The following CYP2E1 variants were observed in gnomAD, a reference collection of about 807,000 sequenced individuals.
The protein encoded by CYP2E1 is cytochrome P450 2E1.
CYP2E1 carries 31 observed loss-of-function variants against 42.9 expected under a neutral mutation model. The ratio of observed to expected loss-of-function variants is 0.72; its 90% CI spans 0.54 to 0.98. The LOEUF is 0.98. Among genes scored for constraint, CYP2E1 ranks in the 50% least tolerant of loss-of-function variants. CYP2E1 has a pLI of 0.00. For missense variants in CYP2E1, 565 were observed against 633.2 expected, an observed-to-expected ratio of 0.89 and a Z score of 1.16; for synonymous variants, 244 against 248.9, an observed-to-expected ratio of 0.98 and a Z score of 0.19.
Position 133,532,736 on chromosome 10 carries a change from C to T in CYP2E1, c.693C>T (p.Ser231=). 6.2e-7 allele frequency: 1 copy of T among 1,611,896 alleles called. No individual in the cohort carries two copies. Among genetic ancestry groups the T allele is most frequent in the Non-Finnish European group, 8.5e-7 (1 of 1,179,360 alleles). Residue 231 remains serine (S), a synonymous_variant, in exon 5 of 9, where the codon AGC becomes AGT. Transcript: ENST00000252945. ...FPSFLHYLPG[S]HRKVIKNVAE... Reference sequence around the variant, plus strand: ...GCTTTCTACACTACTTGCCTGGAAGCCACAGAAAAGTCATAAAAAATGTGG... The same window carrying T: ...GCTTTCTACACTACTTGCCTGGAAGTCACAGAAAAGTCATAAAAAATGTGG...
chr10:133,536,861 C>T (rs12762259), intron 6 of CYP2E1, among the ~76,000 whole-genome samples: 89,745 of 108,782 alleles, frequency 0.82, 36,947 homozygotes, highest in Non-Finnish European at 0.9. Context: ...GGCTGGCTGG[C>T]TGGGTGGGTG....
At position 133,537,268 on chromosome 10, in the gene CYP2E1, C is replaced by T. The variant is rs1454654329; in HGVS notation, c.1155+18C>T. The T allele has an allele frequency of 1.1e-5, 18 of 1,609,834 alleles. No homozygotes were observed. Among genetic ancestry groups the T allele is most frequent in the African/African-American group, 2.7e-5 (2 of 74,874 alleles). On this transcript the variant is annotated intron_variant, in intron 7 of 8. Transcript: ENST00000252945. ...TCCCCAAGGTTAAGCAATGAGCCTG[C>T]AGCACACAGCATGAACACCATCCTA...
At chr10:133,532,435 C>G (rs1851350160) in intron 4 of CYP2E1, 151 bp downstream of exon 4, 2 of 839,968 alleles carry the variant, frequency 2.4e-6, no homozygotes, top group Middle Eastern at 2.7e-4. Context: ...AAATATTCCT[C>G]CCAGAGACAT....
At chr10:133,532,013 A>T in intron 3 of CYP2E1, 111 bp from the exon 4 acceptor site, 1 of 1,019,052 alleles carries the variant, frequency 9.8e-7, no homozygotes. Flanking sequence ...GTAAACTGGC[A>T]GTTTTCAGGG....
At position 133,532,817 on chromosome 10, in the gene CYP2E1, C is replaced by A; in HGVS notation, c.774C>A (p.Asp258Glu). The A allele has an allele frequency of 6.2e-7, 1 of 1,613,100 alleles. No individual in the cohort carries two copies. Among genetic ancestry groups the A allele is most frequent in the East Asian group, 2.2e-5 (1 of 44,812 alleles). Residue 258 changes from aspartate to glutamate, a missense_variant, in exon 5 of 9, where the codon GAC becomes GAA. Transcript: ENST00000252945. ...TGAAGGAGCACCATCAATCTCTGGA[C>A]CCCAACTGTCCCCGGGACCTCACCG... is the stretch of plus-strand genomic sequence containing the variant. ...ERVKEHHQSLDPNCPRDLTDC... is the reference protein window; with the variant it reads ...ERVKEHHQSLEPNCPRDLTDC...
At position 133,533,463 on chromosome 10, in the gene CYP2E1, G is replaced by A. The variant is rs1851362616; in HGVS notation, c.826-293G>A. On this transcript the variant is annotated intron_variant, in intron 5 of 8. Coordinates refer to ENST00000252945, the MANE Select transcript of CYP2E1 (RefSeq NM_000773.4). The stretch of plus-strand genomic sequence containing the variant: ...AGGAGGGGTTAGCAGGAGCCGTTTA[G>A]CTCCTGCCTGAGCTATGACCAAGGT... 3.3e-5 allele frequency among the ~76,000 whole-genome samples: 5 copies of A among 152,186 alleles called. No homozygotes were observed. The South Asian group carries it at 1.0e-3, about 32-fold the overall frequency.
chr10:133,538,700 G>A lies in CYP2E1; in HGVS notation c.1298-80G>A, dbSNP rs1040239534. On this transcript the variant is annotated intron_variant, in intron 8 of 8. Transcript: ENST00000252945. ...GTTTGCCCACAGCCTCCTCCTCCCC[G>A]CTTCCCCTAGTCTCACTGTTAACAG... is the stretch of plus-strand genomic sequence containing the variant. The A allele has an allele frequency of 6.2e-5, 81 of 1,298,638 alleles. 1 individual carries two copies. The African/African-American group carries it at 8.1e-4, about 13-fold the overall frequency. The allele number at this position is 1,298,638 out of a possible 1,614,324, so 80.4% of individuals were successfully genotyped here.
Position 133,537,433 on chromosome 10 carries a change from G to A in CYP2E1, c.1155+183G>A. 4 of 646,556 alleles carry A rather than the reference G, an allele frequency of 6.2e-6. 1 individual carries two copies. In the South Asian group the frequency reaches 8.2e-5, roughly 13 times the overall value. The allele number at this position is 646,556 out of a possible 1,614,324, so 40.1% of individuals were successfully genotyped here. On this transcript the variant is annotated intron_variant, in intron 7 of 8. Transcript: ENST00000252945. The stretch of plus-strand genomic sequence containing the variant: ...CTCCAGGAGTGCTCACATTGGCCTG[G>A]TGACCAGAGAGGTGGAGGAAATCTG...
rs1851346822 is a variant in CYP2E1 at position 133,532,181 on chromosome 10, A to G, written c.545A>G (p.Asp182Gly). ...TGCGCGCCCTGCAACGTCATAGCCG[A>G]CATCCTCTTCCGCAAGCATTTTGAC... The part of the protein sequence containing the change: ...IGCAPCNVIA[D>G]ILFRKHFDYN... The change falls in exon 4 of 9, where the codon GAC becomes GGC. Residue 182 changes from aspartate (D) to glycine (G), a missense_variant. Transcript: ENST00000252945. The G allele has an allele frequency of 1.2e-6, 2 of 1,613,848 alleles. No homozygotes were observed. Among genetic ancestry groups the G allele is most frequent in the Admixed American group, 1.7e-5 (1 of 60,002 alleles).
intron 4 of CYP2E1, 103 bp downstream of exon 4, chr10:133,532,387 A>C: frequency 8.7e-7 from 1 of 1,145,942 alleles, no homozygotes; most frequent in Non-Finnish European, 1.3e-6. Flanking sequence ...GCAAAAGCCA[A>C]ACAACATAGC....
At chr10:133,538,467 T>G (rs1342663632) in intron 8 of CYP2E1, among the ~76,000 whole-genome samples, 1 of 152,186 alleles carries the variant, frequency 6.6e-6, no homozygotes, top group Non-Finnish European at 1.5e-5. Context: ...CCTGTAGGCA[T>G]CACTGATGAG....
chr10:133,538,020 C>T, intron 8 of CYP2E1, 128 bp downstream of exon 8: 1 of 853,058 alleles, frequency 1.2e-6, no homozygotes, highest in Non-Finnish European at 1.8e-6. Flanking sequence ...TGCCCTGTTT[C>T]TATTGACAAC....
At chr10:133,529,030 A>G (rs1296677501) in intron 2 of CYP2E1, among the ~76,000 whole-genome samples, 1 of 152,092 alleles carries the variant, frequency 6.6e-6, no homozygotes, top group Non-Finnish European at 1.5e-5. Flanking sequence ...ACCCACGCTG[A>G]GGCGTCGGAA....
rs1851300120 is a variant in CYP2E1, at chr10:133,528,589, G to A, written c.286G>A (p.Glu96Lys). ...GGAAGCGCTGCTGGACTACAAGGAC[G>A]AGTTCTCGGGCAGAGGCGACCTCCC... Reference protein sequence around the residue: ...VKEALLDYKDEFSGRGDLPAF... With the variant: ...VKEALLDYKDKFSGRGDLPAF... Residue 96 changes from glutamate to lysine, a missense_variant, in exon 2 of 9, where the codon GAG becomes AAG. By Grantham distance (56) the Glu-to-Lys change is moderately conservative. Transcript: ENST00000252945. The A allele has an allele frequency of 1.2e-6, 2 of 1,613,434 alleles. No homozygotes were observed. The highest frequency in any genetic ancestry group is 1.3e-5 in the African/African-American group (1 of 74,940).
At chr10:133,528,372 T>C in intron 1 of CYP2E1, 109 bp from the exon 2 acceptor site, 1 of 1,324,294 alleles carries the variant, frequency 7.6e-7, no homozygotes, top group Non-Finnish European at 1.0e-6. Flanking sequence ...CCCACGTCCC[T>C]CTGGGTTCTC....
At chr10:133,531,462 C>A in intron 2 of CYP2E1, 123 bp from the exon 3 acceptor site, 4 of 1,160,190 alleles carry the variant, frequency 3.4e-6, no homozygotes, top group Middle Eastern at 2.2e-4. Context: ...CTCTGTCCCT[C>A]TGCCCCCTCT....
At chr10:133,527,984 A>G (rs1307620639) in intron 1 of CYP2E1, 1 of 222,748 alleles carries the variant, frequency 4.5e-6, no homozygotes, top group Non-Finnish European at 8.9e-6. Flanking sequence ...TGAACACTGA[A>G]TGGGCCAACA....
In CYP2E1 at chr10:133,532,193, G is replaced by A. The variant is rs200871390; in HGVS notation, c.557G>A (p.Arg186His). The A allele has an allele frequency of 5.5e-5, 89 of 1,613,786 alleles. No homozygotes were observed. The highest frequency in any genetic ancestry group is 3.3e-4 in the Middle Eastern group (2 of 6,084). ...PCNVIADILFRKHFDYNDEKF... is the reference protein window; with the variant it reads ...PCNVIADILFHKHFDYNDEKF... ...AACGTCATAGCCGACATCCTCTTCC[G>A]CAAGCATTTTGACTACAATGATGAG... is the stretch of plus-strand genomic sequence containing the variant. The change falls in exon 4 of 9, where the codon CGC (arginine) becomes CAC (histidine). Residue 186 changes from arginine (R) to histidine (H), a missense_variant. Transcript: ENST00000252945.
intron 3 of CYP2E1, 50 bp from the exon 4 acceptor site, chr10:133,532,074 G>A (rs1429242053): frequency 2.5e-6 from 4 of 1,571,850 alleles, no homozygotes; most frequent in East Asian, 2.3e-5. Flanking sequence ...AGCAGGTGGA[G>A]GAGTCTCCTC....
Sources: gnomAD v4.1 joint callset for allele counts (sites outside exome capture counted in the v4.1 genomes callset) on GRCh38, gnomAD v4.1.1 for gene constraint, MANE v1.5 for transcripts, NCBI Gene and HGNC (gene_info 2026-07-23, HGNC 2026-07-21) for gene names.